HUWE1: variants seen among roughly 807,000 people sequenced by gnomAD.
HUWE1 encodes the protein E3 ubiquitin-protein ligase HUWE1.
Under a neutral mutation model 299.4 loss-of-function variants are expected in HUWE1, and 18 were observed. The observed-to-expected ratio is 0.06, with a 90% CI of 0.04 to 0.09. The LOEUF is 0.09. HUWE1 is among the 10% of genes least tolerant of loss of function. The pLI is 1.00. For missense variants in HUWE1, 1,832 were observed against 3,462.3 expected (o/e 0.53, Z 11.82); for synonymous variants, 1,317 against 1,286.1 (o/e 1.02, Z -0.51).
In HUWE1 at chrX:53,630,894, C is replaced by T. The variant is rs782745003; in HGVS notation, c.862+41G>A. The stretch of plus-strand genomic sequence containing the variant: ...AAGTTCAAAGGAAATCAGGCCCAAA[C>T]TGTCTAATACGGCCTGGTAATTAAA... On this transcript the variant is annotated intron_variant, in intron 12 of 83. Transcript: ENST00000262854. 8 of 802,140 alleles carry T rather than the reference C, an allele frequency of 1.0e-5. No homozygotes were observed. In the Admixed American group the frequency reaches 1.3e-4, roughly 13 times the overall value. The allele number at this position is 802,140 out of a possible 1,213,427, so 66.1% of individuals were successfully genotyped here. A position where few individuals can be genotyped will look rare whatever the true frequency, so the allele number is the denominator to read the frequency against.
chrX:53,627,786 C>T lies in HUWE1; in HGVS notation c.1336G>A (p.Ala446Thr). 2 of 1,201,702 alleles carry T rather than the reference C, an allele frequency of 1.7e-6. No individual in the cohort carries two copies. The highest frequency in any genetic ancestry group is 2.3e-6 in the Non-Finnish European group (2 of 886,588). The change falls in exon 16 of 84, where the codon GCT becomes ACT. Residue 446 changes from alanine to threonine, a missense_variant. Physicochemically the swap from Ala to Thr is moderately conservative, Grantham distance 58 (BLOSUM62 0). Coordinates refer to ENST00000262854, the MANE Select transcript of HUWE1 (RefSeq NM_031407.7). Reference protein sequence around the residue: ...VDLITNLDMAAFQSHSGLSIF... With the variant: ...VDLITNLDMATFQSHSGLSIF... ...GAAAGTCCACTATGGGATTGAAAAGCTGCCATATCCAGGTTGGTGATAAGG... is the reference window on the plus strand; with the variant it reads ...GAAAGTCCACTATGGGATTGAAAAGTTGCCATATCCAGGTTGGTGATAAGG...
Position 53,534,083 on chromosome X carries a change from C to G in HUWE1, c.12946G>C (p.Gly4316Arg). The G allele has an allele frequency of 8.3e-7, 1 of 1,211,168 alleles. No individual in the cohort carries two copies. The highest frequency in any genetic ancestry group is 1.1e-6 in the Non-Finnish European group (1 of 894,913). Residue 4316 changes from glycine to arginine, a missense_variant, in exon 83 of 84, where the codon GGC becomes CGC. Around this residue, in one of 15 missense-constraint regions of HUWE1, gnomAD observed 129 missense variants for 439.4 expected, o/e 0.29. Transcript: ENST00000262854. ...TGAAACTTCTGAATGCCATTCATGC[C>G]TTCGAGGGCAGCAAAGCCTTGCAGG... ...VPLQGFAALE[G>R]MNGIQKFQIH...
intron 23 of HUWE1, among the ~76,000 whole-genome samples, chrX:53,610,708 C>CT (rs1467842996): frequency 1.8e-5 from 2 of 111,785 alleles, no homozygotes; most frequent in African/African-American, 3.3e-5. Flanking sequence ...ACAGCTGACT[C>CT]TGACAAAGGA....
intron 9 of HUWE1, among the ~76,000 whole-genome samples, chrX:53,632,233 A>G (rs2066922872): frequency 8.9e-6 from 1 of 111,971 alleles, no homozygotes; most frequent in Non-Finnish European, 1.9e-5. Context: ...CTGTGGGAAA[A>G]GCACATAGGT....
chrX:53,624,549 G>T (rs781840119), intron 19 of HUWE1, 46 bp downstream of exon 19: 6 of 839,957 alleles, frequency 7.1e-6, no homozygotes, highest in Non-Finnish European at 9.0e-6. Context: ...AGAGAGCTCT[G>T]CCAGGTTATC....
chrX:53,564,780 T>C, intron 50 of HUWE1, 58 bp from the exon 51 acceptor site: 1 of 1,190,561 alleles, frequency 8.4e-7, no homozygotes, highest in Non-Finnish European at 1.1e-6. Context: ...CTGGGCACCA[T>C]GAGGCAAGCG....
At chrX:53,662,303 C>A (rs1557045897) in intron 3 of HUWE1, among the ~76,000 whole-genome samples, 1 of 111,956 alleles carries the variant, frequency 8.9e-6, no homozygotes, top group Non-Finnish European at 1.9e-5. Flanking sequence ...TAACCGCAGA[C>A]AAATCCACCT....
chrX:53,632,708 C>A, intron 8 of HUWE1, 144 bp from the exon 9 acceptor site: 1 of 496,496 alleles, frequency 2.0e-6, no homozygotes, highest in Non-Finnish European at 3.6e-6. Context: ...ACCTACAGTG[C>A]CTTTAACTGT....
intron 66 of HUWE1, 47 bp from the exon 67 acceptor site, chrX:53,549,552 T>A: frequency 9.3e-7 from 1 of 1,078,267 alleles, no homozygotes; most frequent in Non-Finnish European, 1.3e-6. Flanking sequence ...TGGCTAGAGC[T>A]CTGGGATTAG....
intron 81 of HUWE1, among the ~76,000 whole-genome samples, 158 bp downstream of exon 81, chrX:53,535,224 CGT>C: frequency 8.9e-6 from 1 of 112,052 alleles, no homozygotes. Flanking sequence ...TGTGAGCCAC[CGT>C]GCCCAAAGTT....
rs782535054 is a variant in HUWE1 at position 53,647,480 on chromosome X, A to G, written c.239T>C (p.Val80Ala). Residue 80 changes from valine to alanine, a missense_variant, in exon 6 of 84, where the codon GTA (valine) becomes GCA (alanine). Coordinates refer to ENST00000262854, the MANE Select transcript of HUWE1 (RefSeq NM_031407.7). ...TTGCTCTCTTTCTGGCCTATCACATACGAGCATCCATGACATATTCTCCAC... is the reference window on the plus strand; with the variant it reads ...TTGCTCTCTTTCTGGCCTATCACATGCGAGCATCCATGACATATTCTCCAC... Reference protein sequence around the residue: ...QTVENMSWMLVCDRPEREQLK... With the variant: ...QTVENMSWMLACDRPEREQLK... 8.3e-7 allele frequency: 1 copy of G among 1,206,457 alleles called. No individual in the cohort carries two copies.
Position 53,634,284 on chromosome X carries a change from C to G in HUWE1, c.519G>C (p.Lys173Asn). ...ATTCTGCAAGTCCAAAGCCATTCTC[C>G]TTTCCACCCCAGCTCTTGAAAAAGG... is the stretch of plus-strand genomic sequence containing the variant. ...LQHLAESWGGKENGFGLAECC... is the reference protein window; with the variant it reads ...LQHLAESWGGNENGFGLAECC... Residue 173 changes from lysine (K) to asparagine (N), a missense_variant, in exon 8 of 84, where the codon AAG becomes AAC. By Grantham distance (94) the Lys-to-Asn change is moderately conservative (BLOSUM62 0). Coordinates refer to ENST00000262854, the MANE Select transcript of HUWE1 (RefSeq NM_031407.7). The G allele has an allele frequency of 8.3e-7, 1 of 1,206,611 alleles. No homozygotes were observed. Among genetic ancestry groups the G allele is most frequent in the Non-Finnish European group, 1.1e-6 (1 of 890,623 alleles).
chrX:53,683,767 A>C, intron 2 of HUWE1: 39 of 257,009 alleles, frequency 1.5e-4, no homozygotes, highest in Non-Finnish European at 8.9e-5. Context: ...GATAGCCAAC[A>C]CCTCTGTGCT....
intron 27 of HUWE1, among the ~76,000 whole-genome samples, chrX:53,602,992 C>T (rs1603029441): frequency 2.7e-5 from 3 of 109,537 alleles, no homozygotes; most frequent in African/African-American, 6.6e-5. Flanking sequence ...GCTGGGATTA[C>T]AGGCGCCCGC....
At chrX:53,630,828 C>T (rs1557022061) in intron 12 of HUWE1, 107 bp downstream of exon 12, 2 of 522,058 alleles carry the variant, frequency 3.8e-6, no homozygotes, top group African/African-American at 4.6e-5. Flanking sequence ...AAGTTGCTAC[C>T]TAGGTAACTA....
chrX:53,624,935 C>T (rs1429211036), intron 18 of HUWE1, among the ~76,000 whole-genome samples: 3 of 110,848 alleles, frequency 2.7e-5, no homozygotes, highest in East Asian at 5.6e-4. Flanking sequence ...AGCACAGAGT[C>T]GAAAGCTGGA....
Position 53,533,453 on chromosome X carries a change from G to T in HUWE1, c.13023-42C>A, listed in dbSNP as rs782112394. On this transcript the variant is annotated intron_variant, in intron 83 of 83. Transcript: ENST00000262854. The stretch of plus-strand genomic sequence containing the variant: ...GATCAGTTTGTGGTGAGGGATGACA[G>T]ATAACCAAATCTGTGTGTTCCCATG... The T allele has an allele frequency of 5.1e-6, 5 of 974,739 alleles. No individual in the cohort carries two copies. In the East Asian group the frequency reaches 1.6e-4, roughly 30 times the overall value. 80.3% of individuals were successfully genotyped at this position (974,739 alleles called of 1,213,427 possible). A position where few individuals can be genotyped will look rare whatever the true frequency, so the allele number is the denominator to read the frequency against.
At chrX:53,576,274 G>A (rs1468671597) in intron 44 of HUWE1, among the ~76,000 whole-genome samples, 2 of 111,828 alleles carry the variant, frequency 1.8e-5, no homozygotes, top group Non-Finnish European at 3.8e-5. Flanking sequence ...TATCAAATAA[G>A]TATGTCCTGA....
rs1389856484 is a variant in HUWE1 at position 53,574,862 on chromosome X, A to T, written c.6097+293T>A. ...ACAATATCACTGGCATAAAATCTCT[A>T]TAAGCCAGTTTTTAGAAACCCCCCA... On this transcript the variant is annotated intron_variant, in intron 46 of 83. Coordinates refer to ENST00000262854, the MANE Select transcript of HUWE1 (RefSeq NM_031407.7). 1.2e-4 allele frequency among the ~76,000 whole-genome samples: 14 copies of T among 112,102 alleles called. No homozygotes were observed. The Admixed American group carries it at 1.3e-3, about 11-fold the overall frequency.
Sources: allele counts gnomAD v4.1 joint callset (sites outside exome capture counted in the v4.1 genomes callset), GRCh38; gene constraint gnomAD v4.1.1; regional missense constraint gnomAD v4.1.1; transcripts MANE v1.5; gene names NCBI Gene and HGNC (gene_info 2026-07-23, HGNC 2026-07-21).